CALU: variants seen among roughly 807,000 people sequenced by gnomAD.
CALU encodes the protein IEF SSP 9302.
CALU carries 13 observed loss-of-function variants against 37.5 expected under a neutral mutation model. That is an observed-to-expected ratio of 0.35 (90% CI 0.23 to 0.55). The LOEUF (loss-of-function observed/expected upper bound fraction) is 0.55. Among genes scored for constraint, CALU ranks in the 20% least tolerant of loss-of-function variants. The pLI is 0.89. For missense variants in CALU, 282 were observed against 391.7 expected (o/e 0.72, Z 2.36); for synonymous variants, 114 against 133.8 (o/e 0.85, Z 1.02).
chr7:128,754,225 T>C, intron 2 of CALU, 37 bp from the exon 3 acceptor site: 1 of 1,533,210 alleles, frequency 6.5e-7, no homozygotes. Flanking sequence ...TCTGTGTCTT[T>C]TTAACCTTTT....
At chr7:128,760,126 A>C (rs905828000) in intron 5 of CALU, among the ~76,000 whole-genome samples, 2 of 152,210 alleles carry the variant, frequency 1.3e-5, no homozygotes, top group African/African-American at 2.4e-5. Context: ...TGAACCCAGG[A>C]GGCGGAGGTT....
At chr7:128,748,137 A>G (rs1386005494) in intron 1 of CALU, 1 of 441,228 alleles carries the variant, frequency 2.3e-6, no homozygotes, top group Non-Finnish European at 4.0e-6. Flanking sequence ...AGAAACTTAA[A>G]GCTTCCTAGA....
At chr7:128,752,698 T>C (rs1800723189) in intron 2 of CALU, among the ~76,000 whole-genome samples, 1 of 152,208 alleles carries the variant, frequency 6.6e-6, no homozygotes, top group Non-Finnish European at 1.5e-5. Flanking sequence ...ACTACTTTTT[T>C]TTCTGAGACG....
chr7:128,752,243 CTA>C lies in CALU; in HGVS notation c.222-2015_222-2014del, dbSNP rs1800704137. On this transcript the variant is annotated intron_variant, in intron 2 of 6. Coordinates refer to ENST00000249364, the MANE Select transcript of CALU (RefSeq NM_001219.5). ...TTAAAAAAGAAGTTTGCCTTGTAAACTATATTTCTGTTTAAGTAAAAAACAAT... is the reference window on the plus strand; with the variant it reads ...TTAAAAAAGAAGTTTGCCTTGTAAACTATTTCTGTTTAAGTAAAAAACAAT... 2.0e-5 allele frequency among the ~76,000 whole-genome samples: 3 copies of C among 152,134 alleles called. No homozygotes were observed. The South Asian group carries it at 6.2e-4, about 32-fold the overall frequency.
chr7:128,750,665 CTT>C (rs1043901754), intron 2 of CALU, among the ~76,000 whole-genome samples: 29 of 152,126 alleles, frequency 1.9e-4, no homozygotes, highest in African/African-American at 6.5e-4. Context: ...CCACATGAAA[CTT>C]TTAAAAAACT....
Position 128,771,521 on chromosome 7 carries a change from C to G in CALU, c.*2354C>G, listed in dbSNP as rs1459528384. ...CATTTTCCAAGAAATAGAACTCTAG[C>G]TTAGAATTATGGATGCTCTAAAATG... On this transcript the variant is annotated 3_prime_UTR_variant, in exon 7 of 7. Transcript: ENST00000249364. The G allele has an allele frequency of 6.6e-6, 1 of 152,592 alleles. No individual in the cohort carries two copies. The highest frequency in any genetic ancestry group is 1.9e-4 in the East Asian group (1 of 5,196). The allele number at this position is 152,592 out of a possible 1,614,324, so 9.5% of individuals were successfully genotyped here.
In CALU at chr7:128,771,220, CCTT is replaced by C. The variant is rs1443995151; in HGVS notation, c.*2054_*2056del. 1 of 152,492 alleles carries C rather than the reference CCTT, an allele frequency of 6.6e-6. No homozygotes were observed. The highest frequency in any genetic ancestry group is 2.4e-5 in the African/African-American group (1 of 41,418). 9.4% of individuals were successfully genotyped at this position (152,492 alleles called of 1,614,324 possible). On this transcript the variant is annotated 3_prime_UTR_variant, in exon 7 of 7. Coordinates refer to ENST00000249364, the MANE Select transcript of CALU (RefSeq NM_001219.5). ...TAAAATCATGCACTTGAAAAGCAAA[CCTT>C]AATCTGCAAAGACAGCAGCAAGCAT...
In CALU at chr7:128,772,593, A is replaced by T. The variant is rs1224995349; in HGVS notation, c.*3426A>T. 1.9e-6 allele frequency: 3 copies of T among 1,614,182 alleles called. No homozygotes were observed. Among genetic ancestry groups the T allele is most frequent in the Middle Eastern group, 1.6e-4 (1 of 6,062 alleles). ...ACAGTAGAAACTTCTGTTTTCTGGG[A>T]GCTGCATGTGTCGGATTCATCTGTC... On this transcript the variant is annotated 3_prime_UTR_variant, in exon 7 of 7. Transcript: ENST00000249364.
At chr7:128,745,061 G>A (rs1349204993) in intron 1 of CALU, among the ~76,000 whole-genome samples, 1 of 152,140 alleles carries the variant, frequency 6.6e-6, no homozygotes, top group Non-Finnish European at 1.5e-5. Context: ...GAGTGCATAA[G>A]TATTTATTCA....
chr7:128,745,957 C>A (rs1461017941), intron 1 of CALU, among the ~76,000 whole-genome samples: 1 of 152,188 alleles, frequency 6.6e-6, no homozygotes, highest in African/African-American at 2.4e-5. Flanking sequence ...ACTGTTTACA[C>A]ATGGGTATTT....
chr7:128,740,896 T>C (rs1800216313), intron 1 of CALU, among the ~76,000 whole-genome samples: 1 of 152,218 alleles, frequency 6.6e-6, no homozygotes. Context: ...GGTGTTATTT[T>C]TTAAAATTTA....
At chr7:128,765,685 A>G (rs950602392) in intron 5 of CALU, among the ~76,000 whole-genome samples, 2 of 152,226 alleles carry the variant, frequency 1.3e-5, no homozygotes, top group South Asian at 2.1e-4. Flanking sequence ...AACATTTATT[A>G]CAGACGTTTT....
chr7:128,766,425 C>CTTTTTTTTTTTTTTTT (rs11288081), intron 5 of CALU, among the ~76,000 whole-genome samples: 1 of 95,010 alleles, frequency 1.1e-5, no homozygotes, highest in Non-Finnish European at 2.0e-5. Context: ...ATTTCTTTTT[C>CTTTTTTTTTTTTTTTT]TTTTTTTTTT....
chr7:128,758,049 A>G (rs532998390), intron 3 of CALU, among the ~76,000 whole-genome samples: 27 of 151,966 alleles, frequency 1.8e-4, no homozygotes, highest in African/African-American at 4.8e-4. Context: ...GAGCATATCC[A>G]TTACCCCCCC....
chr7:128,752,864 T>C (rs1330197267), intron 2 of CALU, among the ~76,000 whole-genome samples: 1 of 152,200 alleles, frequency 6.6e-6, no homozygotes. Flanking sequence ...TTTGTGTTTT[T>C]AGTAGAGACT....
intron 5 of CALU, among the ~76,000 whole-genome samples, chr7:128,760,623 AG>A (rs1411604995): frequency 4.6e-5 from 7 of 152,118 alleles, no homozygotes; most frequent in Non-Finnish European, 1.0e-4. Context: ...AAAGAGTTGC[AG>A]GGGGCTGGGC....
At chr7:128,754,572 A>T (rs746265584) in intron 3 of CALU, 117 bp downstream of exon 3, 34 of 1,552,664 alleles carry the variant, frequency 2.2e-5, no homozygotes, top group Admixed American at 1.4e-4. Flanking sequence ...TGGGTTTGTG[A>T]CGGAGGGGGA....
chr7:128,748,421 T>C (rs1585002936), intron 1 of CALU, 152 bp from the exon 2 acceptor site: 1 of 1,312,392 alleles, frequency 7.6e-7, no homozygotes, highest in South Asian at 1.4e-5. Context: ...CCATACTTAT[T>C]TTATGGATGA....
intron 5 of CALU, among the ~76,000 whole-genome samples, chr7:128,760,725 A>G (rs914551766): frequency 1.3e-5 from 2 of 152,122 alleles, no homozygotes; most frequent in South Asian, 2.1e-4. Context: ...TGGCTAACAC[A>G]GTGAAACCCT....
Sources: gnomAD v4.1 joint callset for allele counts (sites outside exome capture counted in the v4.1 genomes callset) on GRCh38, gnomAD v4.1.1 for gene constraint, MANE v1.5 for transcripts, NCBI Gene and HGNC (gene_info 2026-07-23, HGNC 2026-07-21) for gene names.